CERT1: variants seen among roughly 807,000 people sequenced by gnomAD.
The protein encoded by CERT1 is ceramide transporter 1.
A neutral mutation model predicts 87.9 loss-of-function variants in CERT1; 31 were observed. The ratio of observed to expected loss-of-function variants is 0.35; its 90% CI spans 0.27 to 0.48. CERT1 has a LOEUF of 0.48. Among genes scored for constraint, CERT1 ranks in the 20% least tolerant of loss-of-function variants. The probability of loss-of-function intolerance (pLI) is 0.99; values close to 1 mark genes in which losing one functional copy is unlikely to be tolerated. For missense variants in CERT1, 487 were observed against 758.0 expected, an observed-to-expected ratio of 0.64 and a Z score of 4.20; for synonymous variants, 289 against 250.9, an observed-to-expected ratio of 1.15 and a Z score of -1.44.
At chr5:75,473,443 G>C (rs1194916750) in intron 2 of CERT1, among the ~76,000 whole-genome samples, 2 of 151,840 alleles carry the variant, frequency 1.3e-5, no homozygotes, top group Non-Finnish European at 2.9e-5. Context: ...AATGAATCTG[G>C]AGGGCATTAA....
intron 6 of CERT1, among the ~76,000 whole-genome samples, chr5:75,419,012 G>A (rs907687759): frequency 3.3e-5 from 5 of 152,058 alleles, no homozygotes; most frequent in African/African-American, 9.7e-5. Context: ...GAATACGCAC[G>A]TACATCAACT....
chr5:75,385,128 T>C (rs1471992607), intron 13 of CERT1, among the ~76,000 whole-genome samples: 3 of 152,350 alleles, frequency 2.0e-5, no homozygotes, highest in Non-Finnish European at 2.9e-5. Flanking sequence ...CTGATGATGT[T>C]GAGAAGTATC....
At chr5:75,391,427 C>T (rs12234032) in intron 11 of CERT1, among the ~76,000 whole-genome samples, 35,302 of 152,082 alleles carry the variant, frequency 0.23, 4,241 homozygotes, top group South Asian at 0.43. Context: ...CTATAATCTA[C>T]TTTTGTACTA....
chr5:75,400,483 T>G, intron 9 of CERT1, 186 bp from the exon 10 acceptor site: 1 of 524,782 alleles, frequency 1.9e-6, no homozygotes, highest in Non-Finnish European at 3.4e-6. Context: ...TATCCCAATT[T>G]AACCTCTTCT....
intron 8 of CERT1, among the ~76,000 whole-genome samples, chr5:75,405,510 A>G (rs143376320): frequency 3.7e-4 from 56 of 152,264 alleles, no homozygotes; most frequent in South Asian, 2.3e-3. Flanking sequence ...ACTCACCTCA[A>G]TTGCAACGTG....
chr5:75,486,004 G>A (rs1167934450), intron 2 of CERT1, among the ~76,000 whole-genome samples: 3 of 152,106 alleles, frequency 2.0e-5, no homozygotes, highest in Non-Finnish European at 4.4e-5. Context: ...CTCATTCTAT[G>A]AGGCTAGTAT....
chr5:75,415,400 G>T (rs1484985773), intron 7 of CERT1, among the ~76,000 whole-genome samples: 12 of 152,092 alleles, frequency 7.9e-5, no homozygotes, highest in South Asian at 2.1e-4. Flanking sequence ...AACAAAAGTG[G>T]TTTTTTTCCC....
chr5:75,385,485 T>C (rs1054446389), intron 13 of CERT1, among the ~76,000 whole-genome samples: 3 of 151,922 alleles, frequency 2.0e-5, no homozygotes, highest in African/African-American at 7.3e-5. Context: ...AAAAATAAAA[T>C]AATTCTAAAG....
intron 3 of CERT1, among the ~76,000 whole-genome samples, chr5:75,445,927 A>G (rs1764515938): frequency 1.3e-5 from 2 of 152,182 alleles, no homozygotes; most frequent in African/African-American, 4.8e-5. Context: ...TTATATGATG[A>G]GCTGCTTCTG....
At chr5:75,426,097 T>C (rs1267217657) in intron 4 of CERT1, among the ~76,000 whole-genome samples, 1 of 152,236 alleles carries the variant, frequency 6.6e-6, no homozygotes, top group Non-Finnish European at 1.5e-5. Flanking sequence ...GTTTTTCCCA[T>C]ATTCACAAAT....
chr5:75,507,846 G>A (rs1190330491), intron 1 of CERT1, among the ~76,000 whole-genome samples: 1 of 152,134 alleles, frequency 6.6e-6, no homozygotes, highest in African/African-American at 2.4e-5. Context: ...ATACCTAAGT[G>A]TTCCTTCTCA....
At position 75,511,212 on chromosome 5, in the gene CERT1, G is replaced by C. The variant is rs551811011; in HGVS notation, c.-5C>G. 1 of 1,612,716 alleles carries C rather than the reference G, an allele frequency of 6.2e-7. No individual in the cohort carries two copies. The highest frequency in any genetic ancestry group is 1.3e-5 in the African/African-American group (1 of 75,024). On this transcript the variant is annotated 5_prime_UTR_variant, in exon 1 of 17. Coordinates refer to ENST00000643780, the MANE Select transcript of CERT1 (RefSeq NM_001379029.1). ...CCAGCTCTGATTATCCGACATGGAG[G>C]CTCGACAACCGAGCAGGAGACCGGC...
At chr5:75,415,977 GCT>G (rs937257521) in intron 7 of CERT1, among the ~76,000 whole-genome samples, 22 of 152,096 alleles carry the variant, frequency 1.4e-4, no homozygotes, top group African/African-American at 5.3e-4. Flanking sequence ...ATTCTGAACA[GCT>G]CTCTTTTCTT....
chr5:75,474,337 C>A (rs2112365013), intron 2 of CERT1, among the ~76,000 whole-genome samples: 1 of 152,196 alleles, frequency 6.6e-6, no homozygotes, highest in South Asian at 2.1e-4. Context: ...GCCAATGCTC[C>A]CAGCTGAATA....
At chr5:75,435,891 T>A (rs904077706) in intron 3 of CERT1, among the ~76,000 whole-genome samples, 8 of 152,070 alleles carry the variant, frequency 5.3e-5, no homozygotes, top group African/African-American at 1.9e-4. Context: ...ACCCTGCACA[T>A]ATGCACAGGT....
At chr5:75,373,912 AT>A (rs886604553), downstream of CERT1, 28 of 391,584 alleles carry the variant, frequency 7.2e-5, no homozygotes, top group African/African-American at 2.7e-4. Context: ...TTCAAAGTTG[AT>A]TTTTTTTTCT....
At chr5:75,466,300 T>C (rs1038135992) in intron 2 of CERT1, among the ~76,000 whole-genome samples, 1 of 152,178 alleles carries the variant, frequency 6.6e-6, no homozygotes, top group Non-Finnish European at 1.5e-5. Context: ...GCCCTGGCAG[T>C]GGCAGTCAGT....
intron 2 of CERT1, among the ~76,000 whole-genome samples, chr5:75,466,159 G>A (rs142469612): frequency 3.2e-4 from 49 of 152,206 alleles, no homozygotes; most frequent in African/African-American, 1.2e-3. Context: ...TCCTCTGCCA[G>A]CCCCCTTTTA....
At chr5:75,491,022 AAT>A (rs1197609738) in intron 2 of CERT1, among the ~76,000 whole-genome samples, 1 of 152,002 alleles carries the variant, frequency 6.6e-6, no homozygotes, top group Non-Finnish European at 1.5e-5. Flanking sequence ...AGTGTATACT[AAT>A]AGTTTTCTTT....
Sources: allele counts gnomAD v4.1 joint callset (sites outside exome capture counted in the v4.1 genomes callset), GRCh38; gene constraint gnomAD v4.1.1; transcripts MANE v1.5; gene names NCBI Gene and HGNC (gene_info 2026-07-23, HGNC 2026-07-21).